The following COL23A1 variants were observed in gnomAD, a reference collection of about 807,000 sequenced individuals.
COL23A1 encodes the protein collagen type XXIII alpha 1 chain, also known as collagen alpha-1(XXIII) chain.
COL23A1 carries 97 observed loss-of-function variants against 99.3 expected under a neutral mutation model. The observed-to-expected ratio is 0.98, with a 90% CI of 0.83 to 1.16. The LOEUF (loss-of-function observed/expected upper bound fraction) is 1.16, where lower values mean the gene tolerates loss of function less well. Ranked by LOEUF, COL23A1 falls within the 50% of genes most tolerant of loss-of-function variation. The pLI, the probability that COL23A1 is intolerant of heterozygous loss-of-function variation, is 0.00. For synonymous variants in COL23A1, 320 were observed against 308.2 expected, an observed-to-expected ratio of 1.04 and a Z score of -0.40; for missense variants, 762 against 757.4, an observed-to-expected ratio of 1.01 and a Z score of -0.07.
At chr5:178,568,747 C>T (rs908368902) in intron 1 of COL23A1, among the ~76,000 whole-genome samples, 2 of 152,240 alleles carry the variant, frequency 1.3e-5, no homozygotes, top group African/African-American at 2.4e-5. Flanking sequence ...GAGACTCATG[C>T]ACATTGGCGT....
chr5:178,383,263 C>G (rs6892218), intron 2 of COL23A1, among the ~76,000 whole-genome samples: 34,904 of 152,142 alleles, frequency 0.23, 4,529 homozygotes, highest in South Asian at 0.44. Context: ...TCCTAGGCCA[C>G]ATGCTCAGCT....
intron 5 of COL23A1, among the ~76,000 whole-genome samples, chr5:178,275,424 G>A (rs1323465434): frequency 4.6e-5 from 7 of 152,172 alleles, no homozygotes; most frequent in Non-Finnish European, 7.3e-5. Context: ...TCGGCCTGTC[G>A]CGTATTTCCT....
Position 178,263,211 on chromosome 5 carries a change from T to TG in COL23A1, c.635dup (p.Ala213SerfsTer24), listed in dbSNP as rs1765730027. 1.9e-6 allele frequency: 3 copies of TG among 1,612,272 alleles called. No individual in the cohort carries two copies. Among genetic ancestry groups the TG allele is most frequent in the African/African-American group, 1.3e-5 (1 of 74,826 alleles). On this transcript the variant is annotated frameshift_variant, in exon 9 of 29. Transcript: ENST00000390654. LOFTEE classifies it high-confidence loss of function. ...CCAACTCCATGCCCTCTCTTACCGC[T>TG]GGGCCTTGTGCTCCCCTGGGGCCAT...
At position 178,529,597 on chromosome 5, in the gene COL23A1, G is replaced by C. The variant is rs61122326; in HGVS notation, c.361+31085C>G. Among the ~76,000 whole-genome samples the C allele has an allele frequency of 4.6e-3, 695 of 152,320 alleles. 6 individuals carry two copies. The highest frequency in any genetic ancestry group is 0.016 in the African/African-American group (667 of 41,562). ...GCTTTATTTTGTCATGCCACTCAGA[G>C]TTAAGTTTCTGTCACTGACCAATAG... On this transcript the variant is annotated intron_variant, in intron 2 of 28. Transcript: ENST00000390654.
chr5:178,329,899 T>C (rs1198305044), intron 2 of COL23A1, among the ~76,000 whole-genome samples: 3 of 149,004 alleles, frequency 2.0e-5, no homozygotes, highest in Non-Finnish European at 4.4e-5. Flanking sequence ...ATTGCGCCAC[T>C]GCACTCCAGC....
At position 178,430,458 on chromosome 5, in the gene COL23A1, A is replaced by G. The variant is rs374982713; in HGVS notation, c.362-123539T>C. On this transcript the variant is annotated intron_variant, in intron 2 of 28. Coordinates refer to ENST00000390654, the MANE Select transcript of COL23A1 (RefSeq NM_173465.4). ...CAATGGGACGTGGGAAGACAAGGAA[A>G]GAAGAGTAGTTCTGTGCTCGTGAGA... Among the ~76,000 whole-genome samples, 3 of 152,172 alleles carry G rather than the reference A, an allele frequency of 2.0e-5. No homozygotes were observed. In the South Asian group the frequency reaches 6.2e-4, roughly 31 times the overall value.
intron 8 of COL23A1, among the ~76,000 whole-genome samples, chr5:178,263,665 A>G (rs540528191): frequency 3.9e-5 from 6 of 152,270 alleles, no homozygotes; most frequent in African/African-American, 1.4e-4. Context: ...TTCTTTCTAG[A>G]ACGGGGTCTG....
intron 2 of COL23A1, among the ~76,000 whole-genome samples, chr5:178,546,527 C>T: frequency 6.6e-6 from 1 of 152,204 alleles, no homozygotes; most frequent in East Asian, 1.9e-4. Flanking sequence ...CGTCTGCCCC[C>T]CAGAGCTGCC....
At chr5:178,385,289 C>G (rs557899295) in intron 2 of COL23A1, among the ~76,000 whole-genome samples, 2 of 152,194 alleles carry the variant, frequency 1.3e-5, no homozygotes, top group South Asian at 2.1e-4. Context: ...CTTCCCTCCC[C>G]CCAGGTCTCA....
intron 2 of COL23A1, among the ~76,000 whole-genome samples, chr5:178,539,545 CAAAAAAAAAA>C (rs58424731): frequency 2.6e-5 from 2 of 78,386 alleles, no homozygotes; most frequent in African/African-American, 1.0e-4. Flanking sequence ...GACTCTGTCT[CAAAAAAAAAA>C]AAAAAAAAAA....
chr5:178,572,668 C>G (rs769463043), intron 1 of COL23A1, among the ~76,000 whole-genome samples: 2 of 152,188 alleles, frequency 1.3e-5, no homozygotes, highest in Non-Finnish European at 2.9e-5. Flanking sequence ...CATTCCACTC[C>G]AAGGTATTTA....
intron 2 of COL23A1, among the ~76,000 whole-genome samples, chr5:178,551,481 T>G (rs895915575): frequency 5.9e-5 from 9 of 152,160 alleles, no homozygotes; most frequent in African/African-American, 2.2e-4. Context: ...CCATCTTCTC[T>G]TCCAAATTGA....
At chr5:178,584,471 A>C (rs1763824399) in intron 1 of COL23A1, among the ~76,000 whole-genome samples, 1 of 152,052 alleles carries the variant, frequency 6.6e-6, no homozygotes, top group South Asian at 2.1e-4. Flanking sequence ...CAAAGCACTG[A>C]GATTATAGGT....
chr5:178,243,805 G>A (rs954658063), intron 25 of COL23A1, among the ~76,000 whole-genome samples: 5 of 152,186 alleles, frequency 3.3e-5, no homozygotes, highest in Admixed American at 1.3e-4. Flanking sequence ...GAAGGCAGCT[G>A]TGGCCACATT....
intron 2 of COL23A1, among the ~76,000 whole-genome samples, chr5:178,512,448 T>C (rs552029275): frequency 9.9e-4 from 151 of 152,326 alleles, no homozygotes; most frequent in Non-Finnish European, 1.7e-3. Context: ...GTGTCCACCC[T>C]GTGGCAGGTG....
At chr5:178,478,799 C>A (rs552835519) in intron 2 of COL23A1, among the ~76,000 whole-genome samples, 1 of 152,214 alleles carries the variant, frequency 6.6e-6, no homozygotes, top group South Asian at 2.1e-4. Context: ...GGTACCAGAG[C>A]CTTCTGGGTG....
Position 178,442,063 on chromosome 5 carries a change from T to G in COL23A1, c.361+118619A>C, listed in dbSNP as rs570185584. On this transcript the variant is annotated intron_variant, in intron 2 of 28. Coordinates refer to ENST00000390654, the MANE Select transcript of COL23A1 (RefSeq NM_173465.4). ...CCCACGGGCCTGGCCCTCTGGGACGTCCAACTGAGAAACCACGCACGCCGA... is the reference window on the plus strand; with the variant it reads ...CCCACGGGCCTGGCCCTCTGGGACGGCCAACTGAGAAACCACGCACGCCGA... 2.0e-5 allele frequency among the ~76,000 whole-genome samples: 3 copies of G among 152,074 alleles called. No individual in the cohort carries two copies. In the East Asian group the frequency reaches 5.8e-4, roughly 29 times the overall value.
At chr5:178,499,216 C>CA (rs1352016007) in intron 2 of COL23A1, among the ~76,000 whole-genome samples, 2 of 152,180 alleles carry the variant, frequency 1.3e-5, no homozygotes, top group Non-Finnish European at 2.9e-5. Flanking sequence ...TCAACACTCT[C>CA]AGAGAGATTT....
chr5:178,562,604 GGTGA>G (rs1762636323), intron 1 of COL23A1: 1 of 151,934 alleles, frequency 6.6e-6, no homozygotes, highest in African/African-American at 2.4e-5. Flanking sequence ...CTACCTTCCT[GGTGA>G]GTGTTACAGC....
Sources: allele counts gnomAD v4.1 joint callset (sites outside exome capture counted in the v4.1 genomes callset), GRCh38; gene constraint gnomAD v4.1.1; transcripts MANE v1.5; gene names NCBI Gene and HGNC (gene_info 2026-07-23, HGNC 2026-07-21).